Variants in MFHAS1 observed in about 807,000 individuals in gnomAD.
MFHAS1 encodes malignant fibrous histiocytoma-amplified sequence 1.
MFHAS1 carries 50 observed loss-of-function variants against 70.4 expected under a neutral mutation model. That is an observed-to-expected ratio of 0.71 (90% confidence interval 0.57 to 0.90). The LOEUF (loss-of-function observed/expected upper bound fraction) is 0.90, where lower values mean the gene tolerates loss of function less well. MFHAS1 is among the 40% of genes least tolerant of loss of function. The probability of loss-of-function intolerance (pLI) is 0.00; values close to 1 mark genes in which losing one functional copy is unlikely to be tolerated. For synonymous variants in MFHAS1, 952 were observed against 620.0 expected (o/e 1.54, Z -7.96); for missense variants, 1,795 against 1,347.6 (o/e 1.33, Z -5.20).
chr8:8,850,233 C>T (rs1314873257), intron 1 of MFHAS1, among the ~76,000 whole-genome samples: 1 of 152,172 alleles, frequency 6.6e-6, no homozygotes, highest in East Asian at 1.9e-4. Flanking sequence ...AGCTACACCC[C>T]TTGGTAAATG....
At chr8:8,876,420 AATG>A (rs760294513) in intron 1 of MFHAS1, among the ~76,000 whole-genome samples, 1 of 152,120 alleles carries the variant, frequency 6.6e-6, no homozygotes, top group Non-Finnish European at 1.5e-5. Context: ...GACAAACTCA[AATG>A]ATGATAAGAT....
At position 8,797,467 on chromosome 8, in the gene MFHAS1, G is replaced by C. The variant is rs1217253525; in HGVS notation, c.3023C>G (p.Pro1008Arg). Residue 1008 changes from proline to arginine, a missense_variant, in exon 2 of 3, where the codon CCG becomes CGG. Coordinates refer to ENST00000276282, the MANE Select transcript of MFHAS1 (RefSeq NM_004225.3). The part of the protein sequence containing the change: ...FPGELLSQPR[P>R]EGVAEIICPK... ...GCAAATGATCTCTGCCACTCCTTCCGGTCTGGGCTGACTCAGCAACTCCCC... is the reference window on the plus strand; with the variant it reads ...GCAAATGATCTCTGCCACTCCTTCCCGTCTGGGCTGACTCAGCAACTCCCC... The C allele has an allele frequency of 1.9e-6, 3 of 1,613,878 alleles. No homozygotes were observed. Among genetic ancestry groups the C allele is most frequent in the Non-Finnish European group, 2.5e-6 (3 of 1,179,940 alleles).
rs1805530824 is a variant in MFHAS1 at position 8,786,043 on chromosome 8, A to G, written c.3138T>C (p.Gly1046=). ...VISPCSKKNV[G]EKHRNQ ...AACGTCACTGGTTTCTGTGCTTTTC[A>G]CCAACATTCTTCCTGTATGGGTGGA... is the stretch of plus-strand genomic sequence containing the variant. Residue 1046 remains glycine (G), a synonymous_variant, in exon 3 of 3, where the codon GGT becomes GGC. Transcript: ENST00000276282. 1.2e-6 allele frequency: 2 copies of G among 1,614,170 alleles called. No individual in the cohort carries two copies. The highest frequency in any genetic ancestry group is 8.5e-7 in the Non-Finnish European group (1 of 1,179,998).
chr8:8,881,465 C>A (rs1309403990), intron 1 of MFHAS1, among the ~76,000 whole-genome samples: 2 of 152,222 alleles, frequency 1.3e-5, no homozygotes, highest in Admixed American at 6.5e-5. Flanking sequence ...CCGGGAACCA[C>A]TGAAAACATC....
chr8:8,786,184 C>T, intron 2 of MFHAS1, 129 bp from the exon 3 acceptor site: 6 of 877,234 alleles, frequency 6.8e-6, no homozygotes, highest in Non-Finnish European at 1.1e-5. Context: ...ACTTCCAGGA[C>T]TCATTATAAA....
At chr8:8,834,367 C>G (rs1231354871) in intron 1 of MFHAS1, among the ~76,000 whole-genome samples, 5 of 152,128 alleles carry the variant, frequency 3.3e-5, no homozygotes, top group African/African-American at 4.8e-5. Flanking sequence ...TGTACTAGGC[C>G]TTCACATTTA....
Position 8,870,407 on chromosome 8 carries a change from G to A in MFHAS1, c.2998+19654C>T, listed in dbSNP as rs555682741. 6.9e-4 allele frequency among the ~76,000 whole-genome samples: 105 copies of A among 152,062 alleles called. 1 individual carries two copies. Among genetic ancestry groups the A allele is most frequent in the African/African-American group, 2.4e-3 (101 of 41,464 alleles). On this transcript the variant is annotated intron_variant, in intron 1 of 2. Transcript: ENST00000276282. ...CTTGAGCCCAGGAAGTTGAGGCTGTGGTAAGCTGAAATCGCGCCACCTCAC... is the reference window on the plus strand; with the variant it reads ...CTTGAGCCCAGGAAGTTGAGGCTGTAGTAAGCTGAAATCGCGCCACCTCAC...
intron 1 of MFHAS1, among the ~76,000 whole-genome samples, chr8:8,832,056 G>GCACACACACACACACA (rs1464235374): frequency 2.2e-5 from 3 of 136,044 alleles, no homozygotes; most frequent in African/African-American, 9.9e-5. Flanking sequence ...GCACGCGCGC[G>GCACACACACACACACA]CGCGCGCACA....
At chr8:8,834,823 C>A (rs562332796) in intron 1 of MFHAS1, among the ~76,000 whole-genome samples, 68 of 152,292 alleles carry the variant, frequency 4.5e-4, no homozygotes, top group African/African-American at 1.6e-3. Context: ...CAACTGTGCA[C>A]GAAACCACCC....
intron 1 of MFHAS1, among the ~76,000 whole-genome samples, chr8:8,834,974 T>C (rs528192324): frequency 6.6e-6 from 1 of 152,148 alleles, no homozygotes; most frequent in African/African-American, 2.4e-5. Context: ...CCCTTTTAAC[T>C]TTCAACACCA....
At chr8:8,884,544 T>C (rs763942989) in intron 1 of MFHAS1, among the ~76,000 whole-genome samples, 13 of 152,138 alleles carry the variant, frequency 8.5e-5, no homozygotes, top group African/African-American at 1.4e-4. Flanking sequence ...AGACCAGTCA[T>C]AGACGCACAA....
At chr8:8,831,655 C>T (rs1396976650) in intron 1 of MFHAS1, among the ~76,000 whole-genome samples, 2 of 151,614 alleles carry the variant, frequency 1.3e-5, no homozygotes, top group Non-Finnish European at 2.9e-5. Flanking sequence ...ACTCGGTCGC[C>T]CAGGCTGGAG....
intron 1 of MFHAS1, among the ~76,000 whole-genome samples, chr8:8,833,862 A>T (rs1434701391): frequency 6.6e-6 from 1 of 152,186 alleles, no homozygotes; most frequent in Non-Finnish European, 1.5e-5. Context: ...ACTCAACAAC[A>T]AAAAGAAACA....
At chr8:8,887,754 A>G (rs1443503100) in intron 1 of MFHAS1, among the ~76,000 whole-genome samples, 1 of 151,564 alleles carries the variant, frequency 6.6e-6, no homozygotes, top group Admixed American at 6.6e-5. Flanking sequence ...AGGCAAATAG[A>G]CAACACAAGA....
At chr8:8,791,491 C>T (rs1304751069) in intron 2 of MFHAS1, among the ~76,000 whole-genome samples, 3 of 152,020 alleles carry the variant, frequency 2.0e-5, no homozygotes, top group East Asian at 1.9e-4. Flanking sequence ...TGGTGGAGGA[C>T]GGATTTGCTC....
At chr8:8,885,488 T>C (rs996143610) in intron 1 of MFHAS1, among the ~76,000 whole-genome samples, 1 of 152,218 alleles carries the variant, frequency 6.6e-6, no homozygotes, top group Admixed American at 6.5e-5. Context: ...CACATCTTAA[T>C]GTACCCTCAC....
intron 1 of MFHAS1, among the ~76,000 whole-genome samples, chr8:8,889,059 C>T (rs1809884867): frequency 7.0e-6 from 1 of 143,246 alleles, no homozygotes; most frequent in Non-Finnish European, 1.5e-5. Flanking sequence ...AAACCCCAGA[C>T]AACTAGTCCT....
chr8:8,843,200 C>T (rs887328964), intron 1 of MFHAS1, among the ~76,000 whole-genome samples: 5 of 150,854 alleles, frequency 3.3e-5, no homozygotes, highest in African/African-American at 4.9e-5. Flanking sequence ...ACCCCGGAAG[C>T]GGAGCTTGCA....
chr8:8,884,955 C>G (rs557084705), intron 1 of MFHAS1, among the ~76,000 whole-genome samples: 1 of 151,248 alleles, frequency 6.6e-6, no homozygotes, highest in South Asian at 2.1e-4. Context: ...CCTGCCCCCA[C>G]CCCCCCAAAA....
Sources: allele counts gnomAD v4.1 joint callset (sites outside exome capture counted in the v4.1 genomes callset), GRCh38; gene constraint gnomAD v4.1.1; transcripts MANE v1.5; gene names NCBI Gene and HGNC (gene_info 2026-07-23, HGNC 2026-07-21).